Variants in IFT74 observed in about 807,000 individuals in gnomAD.
IFT74 encodes intraflagellar transport protein 74 homolog.
In IFT74, 92 loss-of-function variants were observed where a neutral mutation model predicts 96.7. That is an observed-to-expected ratio of 0.95 (90% CI 0.80 to 1.13). The LOEUF is 1.13. Ranked by LOEUF, IFT74 falls within the 50% of genes most tolerant of loss-of-function variation. IFT74 has a pLI of 0.00. For synonymous variants in IFT74, 223 were observed against 213.2 expected (o/e 1.05, Z -0.40); for missense variants, 811 against 698.2 (o/e 1.16, Z -1.82).
intron 9 of IFT74, among the ~76,000 whole-genome samples, chr9:27,010,154 AT>A (rs1399344838): frequency 6.6e-6 from 1 of 150,914 alleles, no homozygotes; most frequent in African/African-American, 2.4e-5. Context: ...CGCCCGGCTG[AT>A]TTTTTGTATT....
At chr9:27,047,452 G>C in intron 15 of IFT74, 81 bp downstream of exon 15, 2 of 750,480 alleles carry the variant, frequency 2.7e-6, no homozygotes. Flanking sequence ...AAAATAGAAC[G>C]GCTCACTATT....
intron 2 of IFT74, among the ~76,000 whole-genome samples, chr9:26,971,837 G>A (rs1826893892): frequency 6.6e-6 from 1 of 152,096 alleles, no homozygotes; most frequent in Admixed American, 6.6e-5. Flanking sequence ...CTCCAAAGGT[G>A]TACTTAGAAT....
At chr9:26,982,924 C>T (rs1827452555) in intron 4 of IFT74, among the ~76,000 whole-genome samples, 3 of 152,120 alleles carry the variant, frequency 2.0e-5, no homozygotes, top group African/African-American at 7.2e-5. Context: ...TCTGGGGATG[C>T]ATCTCTAAAT....
In IFT74 at chr9:26,969,253, T is replaced by C. The variant is rs73433995; in HGVS notation, c.120+7166T>C. ...ATCAATTTGTGGTTTTATTCCATTATGGTCAGAGAAGATACATATATATTT... is the reference window on the plus strand; with the variant it reads ...ATCAATTTGTGGTTTTATTCCATTACGGTCAGAGAAGATACATATATATTT... On this transcript the variant is annotated intron_variant, in intron 2 of 19. Transcript: ENST00000380062. Among the ~76,000 whole-genome samples the C allele has an allele frequency of 5.7e-3, 865 of 152,278 alleles. 10 individuals carry two copies. The highest frequency in any genetic ancestry group is 0.019 in the African/African-American group (811 of 41,594).
rs1395463492 is a variant in IFT74 at position 26,989,654 on chromosome 9, A to G, written c.526-480A>G. The stretch of plus-strand genomic sequence containing the variant: ...TAAGAATCTTATTTCAATGCCAGAT[A>G]TAAAAAGTAAAAACCTTATGTGTTT... On this transcript the variant is annotated intron_variant, in intron 7 of 19. Transcript: ENST00000380062. 3.3e-5 allele frequency among the ~76,000 whole-genome samples: 5 copies of G among 152,268 alleles called. No individual in the cohort carries two copies. The East Asian group carries it at 7.7e-4, about 23-fold the overall frequency.
intron 2 of IFT74, 90 bp downstream of exon 2, chr9:26,962,177 C>A (rs1008044149): frequency 9.6e-6 from 12 of 1,249,864 alleles, no homozygotes; most frequent in South Asian, 1.3e-5. Flanking sequence ...GAACTCTGAT[C>A]ATGCCACTGC....
At chr9:27,027,153 A>G (rs1829904621) in intron 12 of IFT74, among the ~76,000 whole-genome samples, 1 of 152,180 alleles carries the variant, frequency 6.6e-6, no homozygotes, top group South Asian at 2.1e-4. Flanking sequence ...AACCAATACC[A>G]CAGAAATACA....
At chr9:27,056,581 C>T (rs528989490) in intron 18 of IFT74, 122 bp downstream of exon 18, 4 of 759,992 alleles carry the variant, frequency 5.3e-6, no homozygotes, top group Admixed American at 2.9e-5. Flanking sequence ...TTTAAGACAG[C>T]CAGATTCTGT....
chr9:26,952,540 G>T (rs910282485), upstream of IFT74, among the ~76,000 whole-genome samples: 6 of 152,114 alleles, frequency 3.9e-5, no homozygotes, highest in Admixed American at 6.5e-5. Flanking sequence ...GCCTCCCAAA[G>T]TGCTGGGATT....
chr9:27,007,454 C>G (rs1828851664), intron 8 of IFT74, among the ~76,000 whole-genome samples: 1 of 152,166 alleles, frequency 6.6e-6, no homozygotes, highest in Non-Finnish European at 1.5e-5. Flanking sequence ...CTTTCAATTT[C>G]TTTGAGCTCA....
intron 1 of IFT74, among the ~76,000 whole-genome samples, chr9:26,956,821 T>G (rs1397892955): frequency 6.6e-6 from 1 of 152,202 alleles, no homozygotes; most frequent in Non-Finnish European, 1.5e-5. Flanking sequence ...CCTCTTACAG[T>G]GGAAGGGACT....
intron 11 of IFT74, among the ~76,000 whole-genome samples, chr9:27,018,031 T>A (rs547029427): frequency 6.6e-6 from 1 of 152,298 alleles, no homozygotes; most frequent in East Asian, 1.9e-4. Context: ...AAAAAGGTAT[T>A]AAATCTAGAA....
Position 26,978,109 on chromosome 9 carries a change from A to G in IFT74, c.121-19A>G. On this transcript the variant is annotated intron_variant, in intron 2 of 19. Coordinates refer to ENST00000380062, the MANE Select transcript of IFT74 (RefSeq NM_025103.4). ...GTTTTTTCTGGTTTACTAAAAATGA[A>G]ATCTTGTTTGTCATTTAGATGCCAC... 1 of 1,553,520 alleles carries G rather than the reference A, an allele frequency of 6.4e-7. No homozygotes were observed. Among genetic ancestry groups the G allele is most frequent in the Admixed American group, 2.3e-5 (1 of 43,812 alleles).
At chr9:26,990,454 T>C (rs1827815034) in intron 8 of IFT74, among the ~76,000 whole-genome samples, 1 of 152,214 alleles carries the variant, frequency 6.6e-6, no homozygotes, top group Non-Finnish European at 1.5e-5. Flanking sequence ...ACACTTATGA[T>C]GGATAAGAAC....
At chr9:27,047,127 G>A (rs1013659611) in intron 14 of IFT74, 147 bp from the exon 15 acceptor site, 16 of 486,338 alleles carry the variant, frequency 3.3e-5, no homozygotes, top group Non-Finnish European at 5.5e-5. Context: ...AGCCGAGATC[G>A]TGCCACTGCA....
chr9:26,983,433 A>C (rs900048156), intron 4 of IFT74, among the ~76,000 whole-genome samples: 23 of 152,130 alleles, frequency 1.5e-4, no homozygotes, highest in Non-Finnish European at 3.4e-4. Context: ...AACATTTGGC[A>C]ATTTCTATAC....
At chr9:27,003,113 C>T (rs892133096) in intron 8 of IFT74, among the ~76,000 whole-genome samples, 1 of 152,032 alleles carries the variant, frequency 6.6e-6, no homozygotes, top group African/African-American at 2.4e-5. Flanking sequence ...TATCTAAATT[C>T]TACCAATTTT....
rs1825819541 is a variant in IFT74, at chr9:26,948,448, A to ATTATTTTTTTTTTTTTTTTTTTTT, written c.-20+1304_-20+1305insATTTTTTTTTTTTTTTTTTTTTTT. On this transcript the variant is annotated intron_variant, in intron 1 of 19. Coordinates refer to the IFT74 transcript ENST00000433700. Reference sequence around the variant, plus strand: ...TGACAACCTGTGATGGCTTTCCATTATTTTTTTTTTTTTTTTTTTTTTTTT... The same window carrying ATTATTTTTTTTTTTTTTTTTTTTT: ...TGACAACCTGTGATGGCTTTCCATTATTATTTTTTTTTTTTTTTTTTTTTTTTTTTTTTTTTTTTTTTTTTTTTT... 1.7e-4 allele frequency among the ~76,000 whole-genome samples: 10 copies of ATTATTTTTTTTTTTTTTTTTTTTT among 59,164 alleles called. 1 individual carries two copies. Among genetic ancestry groups the ATTATTTTTTTTTTTTTTTTTTTTT allele is most frequent in the Admixed American group, 5.9e-4 (3 of 5,112 alleles). 38.8% of individuals were successfully genotyped at this position (59,164 alleles called of 152,430 possible).
At chr9:26,960,783 C>A (rs1179137610) in intron 1 of IFT74, among the ~76,000 whole-genome samples, 1 of 151,916 alleles carries the variant, frequency 6.6e-6, no homozygotes, top group African/African-American at 2.4e-5. Context: ...TGAGGTGAAG[C>A]AATTCCAGAT....
Sources: gnomAD v4.1 joint callset for allele counts (sites outside exome capture counted in the v4.1 genomes callset) on GRCh38, gnomAD v4.1.1 for gene constraint, MANE v1.5 for transcripts, NCBI Gene and HGNC (gene_info 2026-07-23, HGNC 2026-07-21) for gene names.